The following ERC1 variants were observed in gnomAD, a reference collection of about 807,000 sequenced individuals.
ERC1 encodes RAB6 interacting protein 2.
A neutral mutation model predicts 132.0 loss-of-function variants in ERC1; 56 were observed. The observed-to-expected ratio is 0.42, with a 90% CI of 0.34 to 0.53. ERC1 has a LOEUF of 0.53. ERC1 is among the 20% of genes least tolerant of loss of function. The pLI, the probability that ERC1 is intolerant of heterozygous loss-of-function variation, is 0.03. For missense variants in ERC1, 1,202 were observed against 1,349.9 expected (o/e 0.89, Z 1.72); for synonymous variants, 478 against 476.1 (o/e 1.00, Z -0.05).
intron 2 of ERC1, among the ~76,000 whole-genome samples, chr12:1,032,327 G>T (rs534953388): frequency 1.9e-3 from 289 of 152,298 alleles, no homozygotes; most frequent in African/African-American, 6.4e-3. Context: ...GGGATTATAG[G>T]CAGGAGCCAC....
intron 11 of ERC1, among the ~76,000 whole-genome samples, chr12:1,188,229 G>A (rs942860839): frequency 1.3e-5 from 2 of 152,020 alleles, no homozygotes; most frequent in African/African-American, 4.8e-5. Context: ...AATTTTCTCA[G>A]TTACTTCTGC....
chr12:1,371,886 TG>T lies in ERC1; in HGVS notation c.2836del (p.Glu946SerfsTer16). On this transcript the variant is annotated frameshift_variant, in exon 16 of 19. Transcript: ENST00000360905. LOFTEE classifies it high-confidence loss of function. ...GAAAAAGACGCCAATATAGCTCTCT[TG>T]GAGCTTTCGTCCTCTAAGAAGAAGA... Reference protein sequence around the residue: ...ISEKDANIALLELSSSKKKTQ... With the variant: ...ISEKDANIALXELSSSKKKTQ... 1 of 1,614,108 alleles carries T rather than the reference TG, an allele frequency of 6.2e-7. No homozygotes were observed. The highest frequency in any genetic ancestry group is 1.3e-5 in the African/African-American group (1 of 75,062).
At chr12:1,245,828 T>G (rs1357832248) in intron 13 of ERC1, among the ~76,000 whole-genome samples, 2 of 152,230 alleles carry the variant, frequency 1.3e-5, no homozygotes, top group Non-Finnish European at 2.9e-5. Flanking sequence ...TTTCTACCTT[T>G]GTGTTTTGGA....
At chr12:1,128,982 T>C (rs908785797) in intron 7 of ERC1, among the ~76,000 whole-genome samples, 11 of 152,106 alleles carry the variant, frequency 7.2e-5, no homozygotes, top group African/African-American at 2.4e-4. Flanking sequence ...AAGAACTCTA[T>C]GTAAATTGAG....
At chr12:1,298,779 A>G (rs2080174225) in intron 15 of ERC1, among the ~76,000 whole-genome samples, 1 of 151,850 alleles carries the variant, frequency 6.6e-6, no homozygotes. Context: ...TAGAAAAAAA[A>G]AAGCAAGGCT....
intron 2 of ERC1, among the ~76,000 whole-genome samples, chr12:1,052,831 A>T (rs1292003827): frequency 6.6e-6 from 1 of 152,062 alleles, no homozygotes; most frequent in Non-Finnish European, 1.5e-5. Context: ...TTAGCCGGAC[A>T]TGGTGGCAGG....
intron 13 of ERC1, among the ~76,000 whole-genome samples, chr12:1,256,418 TA>T (rs796558976): frequency 0.11 from 13,050 of 123,578 alleles, 1,475 homozygotes; most frequent in African/African-American, 0.27. Context: ...GTTCTCAGAC[TA>T]AAAAAAAAAA....
intron 14 of ERC1, among the ~76,000 whole-genome samples, chr12:1,266,935 AAG>A (rs1288392642): frequency 6.6e-6 from 1 of 152,204 alleles, no homozygotes. Flanking sequence ...TAATTCCTCC[AAG>A]AGCAAAGTAA....
intron 2 of ERC1, among the ~76,000 whole-genome samples, chr12:1,053,399 AG>A (rs1972384862): frequency 6.6e-6 from 1 of 152,210 alleles, no homozygotes; most frequent in Admixed American, 6.5e-5. Flanking sequence ...TAGTTTTGTC[AG>A]GTAGAAATAA....
At chr12:1,012,471 C>CTTTTT (rs58882619) in intron 1 of ERC1, among the ~76,000 whole-genome samples, 1 of 85,482 alleles carries the variant, frequency 1.2e-5, no homozygotes, top group Non-Finnish European at 2.4e-5. Flanking sequence ...GATATTTAAT[C>CTTTTT]TTTTTTTTTT....
intron 2 of ERC1, among the ~76,000 whole-genome samples, chr12:1,071,672 C>T (rs1356473905): frequency 6.6e-6 from 1 of 151,958 alleles, no homozygotes; most frequent in Non-Finnish European, 1.5e-5. Context: ...AATTTTTCCT[C>T]ATCACTCTTT....
At chr12:1,139,816 G>A (rs1031974633) in intron 7 of ERC1, among the ~76,000 whole-genome samples, 5 of 151,774 alleles carry the variant, frequency 3.3e-5, no homozygotes, top group Admixed American at 1.3e-4. Flanking sequence ...AAAGAAGGAC[G>A]ATAGATCAGA....
intron 17 of ERC1, among the ~76,000 whole-genome samples, chr12:1,432,060 T>A (rs966228231): frequency 6.6e-6 from 1 of 152,170 alleles, no homozygotes; most frequent in African/African-American, 2.4e-5. Flanking sequence ...TTAAACTTTT[T>A]GTAGAGTTGA....
chr12:1,289,150 G>A (rs1186430907), intron 14 of ERC1, among the ~76,000 whole-genome samples: 1 of 141,988 alleles, frequency 7.0e-6, no homozygotes, highest in Non-Finnish European at 1.5e-5. Flanking sequence ...TAGGTATATA[G>A]GGATATATTT....
chr12:1,289,084 TACACACACACACACACACACACAC>T (rs57334239), intron 14 of ERC1, among the ~76,000 whole-genome samples: 1 of 102,880 alleles, frequency 9.7e-6, no homozygotes, highest in African/African-American at 3.7e-5. Context: ...ATCTGGTATG[TACACACACACACACACACACACAC>T]ACACACACAC....
intron 15 of ERC1, among the ~76,000 whole-genome samples, chr12:1,362,179 A>G (rs2086191699): frequency 6.6e-6 from 1 of 152,196 alleles, no homozygotes; most frequent in South Asian, 2.1e-4. Flanking sequence ...TAAGTGGCCA[A>G]AAACAAGTCA....
At chr12:1,206,837 C>G (rs769889289) in intron 12 of ERC1, among the ~76,000 whole-genome samples, 12 of 151,954 alleles carry the variant, frequency 7.9e-5, no homozygotes, top group Non-Finnish European at 1.6e-4. Flanking sequence ...GTTTTTAAAA[C>G]AAATGTTTAG....
At chr12:1,009,374 C>G (rs1445836157) in intron 1 of ERC1, among the ~76,000 whole-genome samples, 1 of 152,046 alleles carries the variant, frequency 6.6e-6, no homozygotes. Context: ...CAGGGTTTCA[C>G]CGTGTTAGCC....
intron 12 of ERC1, among the ~76,000 whole-genome samples, chr12:1,233,812 T>C (rs2075232128): frequency 6.6e-6 from 1 of 152,168 alleles, no homozygotes; most frequent in Non-Finnish European, 1.5e-5. Context: ...TAGTAGGGAT[T>C]TGAAGGATCT....
Sources: gnomAD v4.1 joint callset for allele counts (sites outside exome capture counted in the v4.1 genomes callset) on GRCh38, gnomAD v4.1.1 for gene constraint, MANE v1.5 for transcripts, NCBI Gene and HGNC (gene_info 2026-07-23, HGNC 2026-07-21) for gene names.